The following SYT16 variants were observed in gnomAD, a reference collection of about 807,000 sequenced individuals.
SYT16 encodes synaptotagmin-16.
In SYT16, 42 loss-of-function variants were observed where a neutral mutation model predicts 61.4. The observed-to-expected ratio is 0.68, with a 90% CI of 0.53 to 0.89. The LOEUF is 0.89. SYT16 is among the 40% of genes least tolerant of loss of function. SYT16 has a pLI of 0.00. For synonymous variants in SYT16, 314 were observed against 302.3 expected (o/e 1.04, Z -0.40); for missense variants, 804 against 807.3 (o/e 1.00, Z 0.05).
rs999230618 is a variant in SYT16 at position 62,103,929 on chromosome 14, C to T, written c.*3222C>T. 3.3e-5 allele frequency: 5 copies of T among 152,204 alleles called. No individual in the cohort carries two copies. The highest frequency in any genetic ancestry group is 1.2e-4 in the African/African-American group (5 of 41,460). 9.4% of individuals were successfully genotyped at this position (152,204 alleles called of 1,614,324 possible). A position where few individuals can be genotyped will look rare whatever the true frequency, so the allele number is the denominator to read the frequency against. On this transcript the variant is annotated 3_prime_UTR_variant, in exon 8 of 8. Transcript: ENST00000683842. ...TCAAATGTCAATATTCTCCATAGTCCTAGGTGCCAGTGAGCCTGAAACACA... is the reference window on the plus strand; with the variant it reads ...TCAAATGTCAATATTCTCCATAGTCTTAGGTGCCAGTGAGCCTGAAACACA...
intron 2 of SYT16, among the ~76,000 whole-genome samples, chr14:61,977,466 C>T (rs1426940806): frequency 6.6e-6 from 1 of 152,132 alleles, no homozygotes; most frequent in Non-Finnish European, 1.5e-5. Context: ...CAGGCACCTT[C>T]TTTACAAGGC....
At chr14:62,093,919 A>G (rs1338772363) in intron 7 of SYT16, among the ~76,000 whole-genome samples, 1 of 152,038 alleles carries the variant, frequency 6.6e-6, no homozygotes, top group African/African-American at 2.4e-5. Flanking sequence ...TTACAGTCCA[A>G]AGTAGTTATG....
At chr14:61,967,899 G>A (rs1016797215) in intron 1 of SYT16, among the ~76,000 whole-genome samples, 1 of 152,074 alleles carries the variant, frequency 6.6e-6, no homozygotes, top group African/African-American at 2.4e-5. Flanking sequence ...GACTTGAGGG[G>A]GCAAGGTTAG....
intron 1 of SYT16, among the ~76,000 whole-genome samples, chr14:61,888,284 A>G (rs1235871399): frequency 6.6e-6 from 1 of 151,886 alleles, no homozygotes; most frequent in Non-Finnish European, 1.5e-5. Context: ...TGCCTGGCTA[A>G]TTTTTATATT....
At chr14:61,853,363 A>G (rs897329530) in intron 1 of SYT16, among the ~76,000 whole-genome samples, 1 of 152,196 alleles carries the variant, frequency 6.6e-6, no homozygotes, top group Admixed American at 6.5e-5. Context: ...TTAATCTGCA[A>G]TGAGAAACCT....
Position 61,829,344 on chromosome 14 carries a change from T to A in SYT16, c.-325+16534T>A, listed in dbSNP as rs190776826. On this transcript the variant is annotated intron_variant, in intron 1 of 7. Coordinates refer to ENST00000683842, the MANE Select transcript of SYT16 (RefSeq NM_001367656.1). ...GACTGCTTTCAAGATTTTTTTATTA[T>A]CTTAAATTTTCAGAAATTTAATTAT... Among the ~76,000 whole-genome samples the A allele has an allele frequency of 2.1e-3, 315 of 152,348 alleles. 1 individual carries two copies. The highest frequency in any genetic ancestry group is 7.3e-3 in the African/African-American group (304 of 41,588).
intron 5 of SYT16, chr14:62,079,404 T>TG (rs1271000622): frequency 8.8e-7 from 1 of 1,139,420 alleles, no homozygotes; most frequent in African/African-American, 1.6e-5. Context: ...AGTCCTCTAC[T>TG]TTTTACAACA....
chr14:61,895,845 C>G (rs2048305520), intron 1 of SYT16, among the ~76,000 whole-genome samples: 1 of 152,080 alleles, frequency 6.6e-6, no homozygotes, highest in Non-Finnish European at 1.5e-5. Context: ...TACATTTATT[C>G]TGCATTTTTA....
intron 1 of SYT16, among the ~76,000 whole-genome samples, chr14:61,923,594 G>A (rs1232816530): frequency 1.4e-4 from 22 of 152,210 alleles, no homozygotes; most frequent in African/African-American, 5.3e-4. Flanking sequence ...TTGTTTTACA[G>A]TTGTTTCCAA....
At chr14:61,957,109 T>A (rs1047430174) in intron 1 of SYT16, among the ~76,000 whole-genome samples, 5 of 151,988 alleles carry the variant, frequency 3.3e-5, no homozygotes, top group Non-Finnish European at 5.9e-5. Flanking sequence ...AATAGGTCAT[T>A]GTTAGTGTAT....
Position 61,932,551 on chromosome 14 carries a change from A to G in SYT16, c.-324-37581A>G, listed in dbSNP as rs548929012. 2.4e-4 allele frequency among the ~76,000 whole-genome samples: 36 copies of G among 152,288 alleles called. No homozygotes were observed. In the South Asian group the frequency reaches 7.3e-3, roughly 31 times the overall value. On this transcript the variant is annotated intron_variant, in intron 1 of 7. Coordinates refer to ENST00000683842, the MANE Select transcript of SYT16 (RefSeq NM_001367656.1). ...ATCTCGTGAGAATTCACTCACTATCATGAGAACAACATGGGGGAAACCACC... is the reference window on the plus strand; with the variant it reads ...ATCTCGTGAGAATTCACTCACTATCGTGAGAACAACATGGGGGAAACCACC...
chr14:61,840,853 C>G (rs146028729), intron 1 of SYT16, among the ~76,000 whole-genome samples: 15 of 151,966 alleles, frequency 9.9e-5, no homozygotes, highest in Admixed American at 9.8e-4. Flanking sequence ...GAGAAGGCAG[C>G]TTAGTATTCC....
chr14:61,968,122 A>G (rs573220844), intron 1 of SYT16, among the ~76,000 whole-genome samples: 29 of 152,168 alleles, frequency 1.9e-4, no homozygotes, highest in Admixed American at 5.2e-4. Flanking sequence ...TTAGCTGGGT[A>G]TGGTGGCGCA....
At chr14:61,957,854 T>C (rs2050944962) in intron 1 of SYT16, among the ~76,000 whole-genome samples, 1 of 151,930 alleles carries the variant, frequency 6.6e-6, no homozygotes, top group Admixed American at 6.6e-5. Flanking sequence ...TTCTTCTCTT[T>C]TTAAGAGTTT....
chr14:62,002,177 A>G (rs1284968414), intron 3 of SYT16, among the ~76,000 whole-genome samples: 1 of 151,812 alleles, frequency 6.6e-6, no homozygotes, highest in African/African-American at 2.4e-5. Flanking sequence ...AAAGTATGCG[A>G]TATTTTTTGC....
intron 1 of SYT16, among the ~76,000 whole-genome samples, chr14:61,948,734 A>T (rs888020242): frequency 1.3e-5 from 2 of 152,208 alleles, no homozygotes; most frequent in African/African-American, 4.8e-5. Flanking sequence ...ATCCTTGTTA[A>T]AGTGGGAACA....
At chr14:61,972,946 C>A (rs1199172521) in intron 2 of SYT16, among the ~76,000 whole-genome samples, 1 of 152,162 alleles carries the variant, frequency 6.6e-6, no homozygotes, top group African/African-American at 2.4e-5. Context: ...ATAGCAACTT[C>A]TTCTCTAGCT....
At chr14:62,053,440 G>C (rs1175429105) in intron 3 of SYT16, among the ~76,000 whole-genome samples, 1 of 152,108 alleles carries the variant, frequency 6.6e-6, no homozygotes, top group Non-Finnish European at 1.5e-5. Context: ...GCTTTCTTGG[G>C]TTTCCAGCAT....
chr14:61,859,171 T>A (rs1408301480), intron 1 of SYT16, among the ~76,000 whole-genome samples: 1 of 152,084 alleles, frequency 6.6e-6, no homozygotes. Context: ...CCCCAAATCA[T>A]TTTCTAACAA....
Sources: gnomAD v4.1 joint callset for allele counts (sites outside exome capture counted in the v4.1 genomes callset) on GRCh38, gnomAD v4.1.1 for gene constraint, MANE v1.5 for transcripts, NCBI Gene and HGNC (gene_info 2026-07-23, HGNC 2026-07-21) for gene names.